The following TINAGL1 variants were observed in gnomAD, a reference collection of about 807,000 sequenced individuals.
TINAGL1 encodes tubulointerstitial nephritis antigen like 1, also known as tubulointerstitial nephritis antigen-like.
Under a neutral mutation model 62.0 loss-of-function variants are expected in TINAGL1, and 34 were observed. That is an observed-to-expected ratio of 0.55 (90% CI 0.42 to 0.73). The LOEUF is 0.73. TINAGL1 is among the 30% of genes least tolerant of loss of function. The pLI, the probability that TINAGL1 is intolerant of heterozygous loss-of-function variation, is 0.00. For synonymous variants in TINAGL1, 221 were observed against 249.7 expected (o/e 0.88, Z 1.08); for missense variants, 516 against 653.2 (o/e 0.79, Z 2.29).
At chr1:31,580,933 GC>G in intron 3 of TINAGL1, 1 of 379,086 alleles carries the variant, frequency 2.6e-6, no homozygotes, top group Non-Finnish European at 3.6e-6. Flanking sequence ...CTGACAAGCT[GC>G]CCAGTGTTAT....
rs1557558014 is a variant in TINAGL1, at chr1:31,580,217, CTCTCTCTCTG to C, written c.374+970_374+979del. 3.8e-3 allele frequency: 2,733 copies of C among 728,622 alleles called. 62 individuals carry two copies. The African/African-American group carries it at 0.049, about 13-fold the overall frequency. The allele number at this position is 728,622 out of a possible 1,614,324, so 45.1% of individuals were successfully genotyped here. On this transcript the variant is annotated intron_variant, in intron 3 of 11. Coordinates refer to ENST00000271064, the MANE Select transcript of TINAGL1 (RefSeq NM_022164.3). ...TCTCTCTCTCTCTCTCTCTCTGTCT[CTCTCTCTCTG>C]TCTCTCTCTGTCTCTCTCTCTCTGT...
At chr1:31,579,094 A>G (rs1215624040) in intron 2 of TINAGL1, 110 bp from the exon 3 acceptor site, 1 of 774,890 alleles carries the variant, frequency 1.3e-6, no homozygotes, top group Non-Finnish European at 2.3e-6. Context: ...AGAGAGAGAG[A>G]AAGAGAGAGA....
chr1:31,579,085 G>A, intron 2 of TINAGL1, 119 bp from the exon 3 acceptor site: 1 of 699,122 alleles, frequency 1.4e-6, no homozygotes, highest in South Asian at 1.7e-5. Flanking sequence ...GTGTGAGACA[G>A]AGAGAGAGAA....
Position 31,584,601 on chromosome 1 carries a change from C to T in TINAGL1, c.583-77C>T, listed in dbSNP as rs187544529. ...CTGCAGAAGGCCCTGGACTTGGTGG[C>T]CCTCCAGTGCCAATGGGCACCTGAG... On this transcript the variant is annotated intron_variant, in intron 5 of 11. Transcript: ENST00000271064. This position sits in a 1 kb window ranked among gnomAD's most constrained non-coding sequence, Gnocchi z 4.0. The T allele has an allele frequency of 1.3e-4, 204 of 1,601,848 alleles. 1 individual carries two copies. In the African/African-American group the frequency reaches 2.3e-3, roughly 18 times the overall value.
In TINAGL1 at chr1:31,583,078, T is replaced by C; in HGVS notation, c.375-71T>C. On this transcript the variant is annotated intron_variant, in intron 3 of 11. Coordinates refer to ENST00000271064, the MANE Select transcript of TINAGL1 (RefSeq NM_022164.3). This position sits in a 1 kb window ranked among gnomAD's most constrained non-coding sequence, Gnocchi z 4.4. ...ACAGACTCCCTGGCCCATGTTAACC[T>C]CCGAGGCCACATTCCTTCAAAGTAT... 1 of 1,411,010 alleles carries C rather than the reference T, an allele frequency of 7.1e-7. No individual in the cohort carries two copies. Among genetic ancestry groups the C allele is most frequent in the East Asian group, 2.3e-5 (1 of 43,924 alleles). The allele number at this position is 1,411,010 out of a possible 1,614,324, so 87.4% of individuals were successfully genotyped here.
chr1:31,585,557 T>A lies in TINAGL1; in HGVS notation c.1093+72T>A. 2 of 1,596,710 alleles carry A rather than the reference T, an allele frequency of 1.3e-6. No homozygotes were observed. Among genetic ancestry groups the A allele is most frequent in the Non-Finnish European group, 1.7e-6 (2 of 1,169,598 alleles). On this transcript the variant is annotated intron_variant, in intron 9 of 11. Transcript: ENST00000271064. The surrounding 1 kb of genome is among the most constrained non-coding windows in gnomAD (Gnocchi z 4.3). ...TTGAGAGTGGGCACAGTAGCACAAG[T>A]GGCCTGCACAGCATTCAGCAGCATG...
Position 31,583,305 on chromosome 1 carries a change from G to A in TINAGL1, c.467+64G>A. 6.4e-7 allele frequency: 1 copy of A among 1,566,280 alleles called. No homozygotes were observed. Among genetic ancestry groups the A allele is most frequent in the Admixed American group, 1.7e-5 (1 of 59,604 alleles). ...CATACTCATGCATGTATACACGCAT[G>A]CTGTGCTGTGGGGCACGTCCAGCAG... On this transcript the variant is annotated intron_variant, in intron 4 of 11. Coordinates refer to ENST00000271064, the MANE Select transcript of TINAGL1 (RefSeq NM_022164.3). This position sits in a 1 kb window ranked among gnomAD's most constrained non-coding sequence, Gnocchi z 4.4.
At chr1:31,580,652 A>G (rs1398090169) in intron 3 of TINAGL1, 66 of 1,289,012 alleles carry the variant, frequency 5.1e-5, no homozygotes, top group Non-Finnish European at 6.5e-5. Flanking sequence ...GCTCCCCTTG[A>G]GGCTCCTTAA....
In TINAGL1 at chr1:31,583,458, C is replaced by G. The variant is rs765766892; in HGVS notation, c.468-3C>G. On this transcript the variant is annotated splice_region_variant and splice_polypyrimidine_tract_variant and intron_variant, in intron 4 of 11. Coordinates refer to ENST00000271064, the MANE Select transcript of TINAGL1 (RefSeq NM_022164.3). The surrounding 1 kb of genome is among the most constrained non-coding windows in gnomAD (Gnocchi z 4.4). ...TGACTTCCTTCCGTCCCCTCTCCTT[C>G]AGCTGGCAGGCTGGGAACCACAGCG... 3.1e-6 allele frequency: 5 copies of G among 1,612,884 alleles called. No homozygotes were observed. Among genetic ancestry groups the G allele is most frequent in the Non-Finnish European group, 4.2e-6 (5 of 1,179,520 alleles).
intron 3 of TINAGL1, chr1:31,580,223 C>G (rs746622535): frequency 0.011 from 9,524 of 840,292 alleles, 229 homozygotes; most frequent in Admixed American, 0.076. Context: ...GTCTCTCTCT[C>G]TCTGTCTCTC....
Position 31,583,630 on chromosome 1 carries a change from G to T in TINAGL1, c.582+55G>T, listed in dbSNP as rs990994687. On this transcript the variant is annotated intron_variant, in intron 5 of 11. Transcript: ENST00000271064. This position sits in a 1 kb window ranked among gnomAD's most constrained non-coding sequence, Gnocchi z 4.4. ...ATCTCCCCATGGCTCAGAACCTCAG[G>T]GATGCTGGCCCTGTGCCCTGCTCCT... The T allele has an allele frequency of 1.1e-5, 17 of 1,488,182 alleles. 1 individual carries two copies. The highest frequency in any genetic ancestry group is 1.9e-5 in the Admixed American group (1 of 52,756). 92.2% of individuals were successfully genotyped at this position (1,488,182 alleles called of 1,614,324 possible). A position where few individuals can be genotyped will look rare whatever the true frequency, so the allele number is the denominator to read the frequency against.
At position 31,585,197 on chromosome 1, in the gene TINAGL1, G is replaced by A. The variant is rs765922609; in HGVS notation, c.904G>A (p.Glu302Lys). 13 of 1,605,912 alleles carry A rather than the reference G, an allele frequency of 8.1e-6. No homozygotes were observed. The highest frequency in any genetic ancestry group is 2.2e-5 in the East Asian group (1 of 44,740). The part of the protein sequence containing the change: ...CYPFSGRERD[E>K]AGPAPPCMMH... ...CCCCTTCTCGGGCCGTGAACGAGAC[G>A]AGGCTGGCCCTGCGCCCCCCTGTAT... The change falls in exon 8 of 12, where the codon GAG (glutamate) becomes AAG (lysine). Residue 302 changes from glutamate to lysine, a missense_variant. Transcript: ENST00000271064. The surrounding 1 kb of genome is among the most constrained non-coding windows in gnomAD (Gnocchi z 4.3).
chr1:31,582,922 G>A (rs967337031), intron 3 of TINAGL1, among the ~76,000 whole-genome samples: 2 of 152,100 alleles, frequency 1.3e-5, no homozygotes, highest in African/African-American at 4.8e-5. Context: ...GTAGCCGTGA[G>A]ATCCTTGACT....
At chr1:31,580,789 C>T (rs769702072) in intron 3 of TINAGL1, 34 of 1,203,356 alleles carry the variant, frequency 2.8e-5, no homozygotes, top group Non-Finnish European at 3.4e-5. Context: ...CAGTCGGCAC[C>T]TATTATTAAA....
Position 31,583,363 on chromosome 1 carries a change from C to A in TINAGL1, c.468-98C>A. 1 of 1,451,074 alleles carries A rather than the reference C, an allele frequency of 6.9e-7. No individual in the cohort carries two copies. Among genetic ancestry groups the A allele is most frequent in the Non-Finnish European group, 9.6e-7 (1 of 1,045,542 alleles). The allele number at this position is 1,451,074 out of a possible 1,614,324, so 89.9% of individuals were successfully genotyped here. A position where few individuals can be genotyped will look rare whatever the true frequency, so the allele number is the denominator to read the frequency against. On this transcript the variant is annotated intron_variant, in intron 4 of 11. Coordinates refer to ENST00000271064, the MANE Select transcript of TINAGL1 (RefSeq NM_022164.3). The surrounding 1 kb of genome is among the most constrained non-coding windows in gnomAD (Gnocchi z 4.4). ...CTACACCCAGATTTGACTGTGTGTG[C>A]GCTCAGCCACTGTGCGTCTCTCCCA...
rs1010510746 is a variant in TINAGL1, at chr1:31,587,173, G to C, written c.*194G>C. The C allele has an allele frequency of 3.5e-6, 3 of 847,828 alleles. No homozygotes were observed. In the African/African-American group the frequency reaches 5.4e-5, roughly 15 times the overall value. The allele number at this position is 847,828 out of a possible 1,614,324, so 52.5% of individuals were successfully genotyped here. ...GCCGCGGGCAGGCGAGACTGGCGGA[G>C]CCCCCAGACCTCCCAGTGGGGACGG... On this transcript the variant is annotated 3_prime_UTR_variant, in exon 12 of 12. Transcript: ENST00000271064.
intron 3 of TINAGL1, chr1:31,580,387 A>G: frequency 1.6e-6 from 2 of 1,289,174 alleles, no homozygotes; most frequent in Non-Finnish European, 1.0e-6. Flanking sequence ...AGGACAGAAC[A>G]GTCTACTGCC....
intron 3 of TINAGL1, among the ~76,000 whole-genome samples, chr1:31,582,826 C>A (rs1413834842): frequency 6.7e-6 from 1 of 149,520 alleles, no homozygotes; most frequent in African/African-American, 2.5e-5. Context: ...ATAGAGTTGC[C>A]GTTTTCTGAG....
chr1:31,581,739 A>T (rs1639250476), intron 3 of TINAGL1, among the ~76,000 whole-genome samples: 1 of 152,224 alleles, frequency 6.6e-6, no homozygotes, highest in African/African-American at 2.4e-5. Context: ...CAAGCCTATC[A>T]TTAAATCCCT....
Sources: allele counts gnomAD v4.1 joint callset (sites outside exome capture counted in the v4.1 genomes callset), GRCh38; gene constraint gnomAD v4.1.1; non-coding constraint Gnocchi (gnomAD v3.1); transcripts MANE v1.5; gene names NCBI Gene and HGNC (gene_info 2026-07-23, HGNC 2026-07-21).